SYNE1: variants seen among roughly 807,000 people sequenced by gnomAD.
The protein encoded by SYNE1 is nesprin-1.
Under a neutral mutation model 1,111.0 loss-of-function variants are expected in SYNE1, and 616 were observed. The ratio of observed to expected loss-of-function variants is 0.55; its 90% confidence interval spans 0.52 to 0.59. The LOEUF (loss-of-function observed/expected upper bound fraction) is 0.59, where lower values mean the gene tolerates loss of function less well. Ranked by LOEUF, SYNE1 falls within the 20% of genes least tolerant of loss-of-function variation. SYNE1 has a pLI of 0.00. For synonymous variants in SYNE1, 3,855 were observed against 3,825.8 expected, an observed-to-expected ratio of 1.01 and a Z score of -0.28; for missense variants, 10,006 against 10,417.0, an observed-to-expected ratio of 0.96 and a Z score of 1.72.
chr6:152,512,630 T>G (rs967396816), intron 6 of SYNE1, among the ~76,000 whole-genome samples: 1 of 152,246 alleles, frequency 6.6e-6, no homozygotes. Flanking sequence ...CTCGACCCAG[T>G]TCCAATTGTA....
intron 144 of SYNE1, 128 bp from the exon 145 acceptor site, chr6:152,130,906 C>A: frequency 1.1e-6 from 1 of 902,550 alleles, no homozygotes; most frequent in East Asian, 2.6e-5. Flanking sequence ...TGATCAGTAC[C>A]CATGAATTAA....
In SYNE1 at chr6:152,628,366, A is replaced by T; in HGVS notation, c.-35T>A. ...GGAAGCACGAAGCCAACACCAAGAG[A>T]CTCTTCACTGGAGGCAGCACAGGGC... On this transcript the variant is annotated 5_prime_UTR_variant, in exon 3 of 146. Transcript: ENST00000367255. 1 of 1,607,848 alleles carries T rather than the reference A, an allele frequency of 6.2e-7. No individual in the cohort carries two copies. The highest frequency in any genetic ancestry group is 1.1e-5 in the South Asian group (1 of 90,944).
chr6:152,284,164 C>T lies in SYNE1; in HGVS notation c.18021G>A (p.Met6007Ile), dbSNP rs147770157. The T allele has an allele frequency of 6.2e-6, 10 of 1,613,994 alleles. No homozygotes were observed. The highest frequency in any genetic ancestry group is 1.3e-5 in the African/African-American group (1 of 74,924). ...CATCCTGGAGCATGAGAATCTCATC[C>T]ATCAATGCCTGGAGGAAAGACTGTG... is the stretch of plus-strand genomic sequence containing the variant. ...ESQMAEHQAL[M>I]DEILMLQDEI... Residue 6007 changes from methionine to isoleucine, a missense_variant, in exon 96 of 146, where the codon ATG becomes ATA. By Grantham distance (10) the Met-to-Ile change is conservative. Coordinates refer to ENST00000367255, the MANE Select transcript of SYNE1 (RefSeq NM_182961.4).
chr6:152,454,223 GAA>G (rs1564141848), intron 24 of SYNE1, among the ~76,000 whole-genome samples: 17 of 132,076 alleles, frequency 1.3e-4, no homozygotes, highest in Admixed American at 3.6e-4. Flanking sequence ...TGTGCACACA[GAA>G]GCACACATGT....
chr6:152,290,026 A>G (rs1023584215), intron 95 of SYNE1, among the ~76,000 whole-genome samples: 3 of 151,768 alleles, frequency 2.0e-5, no homozygotes, highest in Non-Finnish European at 4.4e-5. Flanking sequence ...TTCCAAGATC[A>G]GATGAGAGAC....
intron 35 of SYNE1, 128 bp from the exon 36 acceptor site, chr6:152,430,338 C>T: frequency 8.9e-7 from 1 of 1,122,690 alleles, no homozygotes. Context: ...AAAATGCATT[C>T]TTTAAACATC....
chr6:152,282,382 A>C (rs1453897085), intron 96 of SYNE1, among the ~76,000 whole-genome samples: 2 of 152,206 alleles, frequency 1.3e-5, no homozygotes, highest in East Asian at 3.9e-4. Context: ...GACTGTGGCA[A>C]ACTGAAAAAC....
At position 152,331,016 on chromosome 6, in the gene SYNE1, G is replaced by C. The variant is rs745386117; in HGVS notation, c.13669C>G (p.Leu4557Val). The C allele has an allele frequency of 6.2e-7, 1 of 1,614,120 alleles. No individual in the cohort carries two copies. The highest frequency in any genetic ancestry group is 8.5e-7 in the Non-Finnish European group (1 of 1,180,022). Residue 4557 changes from leucine to valine, a missense_variant, in exon 78 of 146, where the codon CTA (leucine) becomes GTA (valine). Coordinates refer to ENST00000367255, the MANE Select transcript of SYNE1 (RefSeq NM_182961.4). ...TTCCTAGAAACCAAATTCTTCTCTA[G>C]TTCTTGTAACCGGTGACTGCACTTT... Reference protein sequence around the residue: ...LQKCSHRLQELEKNLVSRKHF... With the variant: ...LQKCSHRLQEVEKNLVSRKHF...
At chr6:152,594,661 C>A (rs818452) in intron 3 of SYNE1, among the ~76,000 whole-genome samples, 1 of 152,020 alleles carries the variant, frequency 6.6e-6, no homozygotes, top group Non-Finnish European at 1.5e-5. Context: ...AAAATAAATA[C>A]GTCCCTTGAT....
chr6:152,346,802 T>G (rs748212215), intron 73 of SYNE1, among the ~76,000 whole-genome samples: 24 of 151,982 alleles, frequency 1.6e-4, no homozygotes, highest in South Asian at 4.1e-4. Context: ...AGAGTGAGAC[T>G]CCGTCTCAAA....
chr6:152,578,474 A>G (rs2099508872), intron 3 of SYNE1, among the ~76,000 whole-genome samples: 1 of 152,150 alleles, frequency 6.6e-6, no homozygotes, highest in Admixed American at 6.6e-5. Flanking sequence ...ATGTGCCTCT[A>G]ATCCCAGCTA....
At chr6:152,544,373 C>A (rs2099295317) in intron 3 of SYNE1, among the ~76,000 whole-genome samples, 1 of 152,116 alleles carries the variant, frequency 6.6e-6, no homozygotes, top group African/African-American at 2.4e-5. Flanking sequence ...AAAGCAACAA[C>A]CACAGAGGAG....
intron 130 of SYNE1, among the ~76,000 whole-genome samples, chr6:152,168,973 A>G (rs1261355798): frequency 6.6e-6 from 1 of 152,280 alleles, no homozygotes; most frequent in Admixed American, 6.5e-5. Context: ...GAGTTTCCAA[A>G]CTTTCTGCAC....
At chr6:152,380,120 G>A (rs1320092525) in intron 56 of SYNE1, among the ~76,000 whole-genome samples, 1 of 152,124 alleles carries the variant, frequency 6.6e-6, no homozygotes, top group Non-Finnish European at 1.5e-5. Flanking sequence ...AGCATAAAGA[G>A]GTAGAAAGCT....
intron 5 of SYNE1, among the ~76,000 whole-genome samples, chr6:152,521,683 CT>C (rs1318392965): frequency 1.3e-5 from 2 of 152,162 alleles, no homozygotes; most frequent in African/African-American, 4.8e-5. Flanking sequence ...CTTTTCACAT[CT>C]GTTGCCCAGG....
At chr6:152,469,290 T>C (rs1227455774) in intron 16 of SYNE1, among the ~76,000 whole-genome samples, 2 of 152,156 alleles carry the variant, frequency 1.3e-5, no homozygotes, top group African/African-American at 4.8e-5. Context: ...TCAGTCTTTG[T>C]TCCCTAGAAA....
intron 98 of SYNE1, among the ~76,000 whole-genome samples, chr6:152,270,289 G>A (rs891097167): frequency 6.6e-6 from 1 of 152,230 alleles, no homozygotes; most frequent in African/African-American, 2.4e-5. Flanking sequence ...GTCATTTACT[G>A]TGGGCACGTG....
At chr6:152,456,448 A>G (rs1459042241) in intron 22 of SYNE1, among the ~76,000 whole-genome samples, 2 of 151,932 alleles carry the variant, frequency 1.3e-5, no homozygotes, top group African/African-American at 4.8e-5. Flanking sequence ...TGACTAAACA[A>G]ATTGAGCATC....
chr6:152,328,956 C>T (rs1271815506), intron 78 of SYNE1, among the ~76,000 whole-genome samples: 9 of 152,152 alleles, frequency 5.9e-5, no homozygotes, highest in African/African-American at 2.2e-4. Context: ...GGCTTATTGG[C>T]AAGGTCAGGG....
Sources: gnomAD v4.1 joint callset for allele counts (sites outside exome capture counted in the v4.1 genomes callset) on GRCh38, gnomAD v4.1.1 for gene constraint, MANE v1.5 for transcripts, NCBI Gene and HGNC (gene_info 2026-07-23, HGNC 2026-07-21) for gene names.